PARD3B: variants seen among roughly 807,000 people sequenced by gnomAD.
PARD3B encodes the protein partitioning defective 3 homolog B.
A neutral mutation model predicts 130.2 loss-of-function variants in PARD3B; 103 were observed. The observed-to-expected ratio is 0.79, with a 90% CI of 0.67 to 0.93. PARD3B has a LOEUF of 0.93. Ranked by LOEUF, PARD3B falls within the 40% of genes least tolerant of loss-of-function variation. The pLI is 0.00. For missense variants in PARD3B, 1,609 were observed against 1,499.2 expected, an observed-to-expected ratio of 1.07 and a Z score of -1.21; for synonymous variants, 583 against 553.2, an observed-to-expected ratio of 1.05 and a Z score of -0.76.
At chr2:204,752,229 C>T (rs2040492738) in intron 2 of PARD3B, among the ~76,000 whole-genome samples, 1 of 152,094 alleles carries the variant, frequency 6.6e-6, no homozygotes, top group Non-Finnish European at 1.5e-5. Flanking sequence ...GACTGTATTG[C>T]TTACTTTCTG....
chr2:204,738,872 A>T lies in PARD3B; in HGVS notation c.222+52590A>T, dbSNP rs57973835. Among the ~76,000 whole-genome samples, 1,328 of 152,286 alleles carry T rather than the reference A, an allele frequency of 8.7e-3. 9 individuals are homozygous for T. Among genetic ancestry groups the T allele is most frequent in the African/African-American group, 0.029 (1,196 of 41,572 alleles). On this transcript the variant is annotated intron_variant, in intron 2 of 22. Transcript: ENST00000406610. ...GTTTTTAAATGGCTGATGTAATTAGATGAGACCTACTAAATAGTCTCTCTG... is the reference window on the plus strand; with the variant it reads ...GTTTTTAAATGGCTGATGTAATTAGTTGAGACCTACTAAATAGTCTCTCTG...
chr2:205,430,571 C>T (rs1025707238), intron 19 of PARD3B, among the ~76,000 whole-genome samples: 12 of 152,124 alleles, frequency 7.9e-5, no homozygotes, highest in African/African-American at 2.7e-4. Context: ...TCCATCATCA[C>T]GGAAAATCCT....
In PARD3B at chr2:205,553,324, G is replaced by C; in HGVS notation, c.3181G>C (p.Val1061Leu). Residue 1061 changes from valine (V) to leucine (L), a missense_variant and splice_region_variant, in exon 22 of 23, where the codon GTG becomes CTG. Val to Leu is a conservative substitution (Grantham distance 32, BLOSUM62 1). Coordinates refer to ENST00000406610, the MANE Select transcript of PARD3B (RefSeq NM_001302769.2). Reference protein sequence around the residue: ...ARPSEYDLLWVPGRGPDGNAH... With the variant: ...ARPSEYDLLWLPGRGPDGNAH... ...TCTCTAATTGCTTTTCTCTCCACAG[G>C]TGCCTGGAAGGGGTCCAGATGGGAA... The C allele has an allele frequency of 6.2e-7, 1 of 1,613,612 alleles. No individual in the cohort carries two copies. The highest frequency in any genetic ancestry group is 1.7e-5 in the Admixed American group (1 of 60,014).
At chr2:205,161,864 A>G (rs968323018) in intron 11 of PARD3B, among the ~76,000 whole-genome samples, 6 of 152,184 alleles carry the variant, frequency 3.9e-5, no homozygotes, top group African/African-American at 1.2e-4. Context: ...GGATTTTTTG[A>G]AAACTAAACT....
rs956985489 is a variant in PARD3B, at chr2:205,473,658, G to A, written c.3045-26238G>A. Among the ~76,000 whole-genome samples the A allele has an allele frequency of 5.2e-3, 496 of 94,898 alleles. 4 individuals carry two copies. The highest frequency in any genetic ancestry group is 0.027 in the African/African-American group (471 of 17,294). The allele number at this position is 94,898 out of a possible 152,430, so 62.3% of individuals were successfully genotyped here. The stretch of plus-strand genomic sequence containing the variant: ...TCCCAATATAAGGTTATATATATGT[G>A]TGTGTGTGTGTGTGTGTGTGTGTAT... On this transcript the variant is annotated intron_variant, in intron 20 of 22. Transcript: ENST00000406610. The surrounding 1 kb of genome is among the most constrained non-coding windows in gnomAD (Gnocchi z 4.9).
chr2:204,974,299 A>G (rs757532313), intron 3 of PARD3B, among the ~76,000 whole-genome samples: 1 of 152,112 alleles, frequency 6.6e-6, no homozygotes, highest in Non-Finnish European at 1.5e-5. Context: ...GACTATGGTT[A>G]TGTAATGTAT....
intron 2 of PARD3B, among the ~76,000 whole-genome samples, chr2:204,939,676 A>T (rs1424357861): frequency 6.6e-6 from 1 of 152,216 alleles, no homozygotes. Flanking sequence ...AAAGTATATC[A>T]AATTCAACAA....
At chr2:205,065,859 T>A (rs1700340444) in intron 4 of PARD3B, among the ~76,000 whole-genome samples, 1 of 152,160 alleles carries the variant, frequency 6.6e-6, no homozygotes, top group African/African-American at 2.4e-5. Context: ...CAGAACCACA[T>A]GCTAAATAAA....
intron 2 of PARD3B, among the ~76,000 whole-genome samples, chr2:204,812,694 A>T (rs1377871327): frequency 6.6e-6 from 1 of 152,158 alleles, no homozygotes; most frequent in Admixed American, 6.5e-5. Flanking sequence ...GTCATATACC[A>T]GTTAAACTTA....
chr2:204,713,659 G>A (rs1259546755), intron 2 of PARD3B, among the ~76,000 whole-genome samples: 2 of 152,012 alleles, frequency 1.3e-5, no homozygotes, highest in East Asian at 3.9e-4. Context: ...ATTATATGAT[G>A]TTCACCTTTG....
At chr2:205,605,302 G>C (rs1285925637) in intron 22 of PARD3B, among the ~76,000 whole-genome samples, 1 of 152,140 alleles carries the variant, frequency 6.6e-6, no homozygotes, top group Non-Finnish European at 1.5e-5. Flanking sequence ...GGCTTTTTAA[G>C]TTTTCATCGT....
Position 204,730,131 on chromosome 2 carries a change from A to G in PARD3B, c.222+43849A>G, listed in dbSNP as rs548922062. Among the ~76,000 whole-genome samples, 5 of 151,966 alleles carry G rather than the reference A, an allele frequency of 3.3e-5. No homozygotes were observed. In the East Asian group the frequency reaches 7.8e-4, roughly 24 times the overall value. On this transcript the variant is annotated intron_variant, in intron 2 of 22. Transcript: ENST00000406610. ...CTCTTGTCACCCAGGCTGGAGTGCA[A>G]TGGCACAATCTTGGCTCACTGCAAC...
intron 2 of PARD3B, among the ~76,000 whole-genome samples, chr2:204,801,612 C>T (rs1286995422): frequency 6.6e-6 from 1 of 152,144 alleles, no homozygotes; most frequent in Non-Finnish European, 1.5e-5. Context: ...GGGGCTGAGA[C>T]AATGGGGTTT....
intron 22 of PARD3B, among the ~76,000 whole-genome samples, chr2:205,610,558 A>C (rs1444851814): frequency 6.6e-6 from 1 of 152,178 alleles, no homozygotes; most frequent in Non-Finnish European, 1.5e-5. Context: ...CCAGTTAGTC[A>C]TGCTGAGCTC....
intron 13 of PARD3B, among the ~76,000 whole-genome samples, chr2:205,177,045 A>G (rs973611232): frequency 2.0e-5 from 3 of 152,122 alleles, no homozygotes; most frequent in African/African-American, 7.2e-5. Flanking sequence ...CCATCTCGTG[A>G]TGGTTGGAAT....
At chr2:204,719,887 T>C (rs1451838639) in intron 2 of PARD3B, among the ~76,000 whole-genome samples, 1 of 152,242 alleles carries the variant, frequency 6.6e-6, no homozygotes, top group Non-Finnish European at 1.5e-5. Context: ...ATTTAAATAC[T>C]ATTCTATAGT....
At chr2:205,203,884 G>C (rs2037131592) in intron 15 of PARD3B, among the ~76,000 whole-genome samples, 1 of 152,084 alleles carries the variant, frequency 6.6e-6, no homozygotes, top group Non-Finnish European at 1.5e-5. Context: ...CCAAGTCTTT[G>C]CTATTGTGAA....
intron 1 of PARD3B, among the ~76,000 whole-genome samples, chr2:204,660,403 A>G (rs1423126515): frequency 6.6e-6 from 1 of 152,226 alleles, no homozygotes; most frequent in East Asian, 1.9e-4. Flanking sequence ...CATTTAAAAC[A>G]AATGAAGTTA....
At chr2:204,740,983 T>C (rs1353754340) in intron 2 of PARD3B, among the ~76,000 whole-genome samples, 1 of 152,148 alleles carries the variant, frequency 6.6e-6, no homozygotes, top group Non-Finnish European at 1.5e-5. Context: ...TTGAGACTCT[T>C]AGATGGATGG....
Sources: allele counts gnomAD v4.1 joint callset (sites outside exome capture counted in the v4.1 genomes callset), GRCh38; gene constraint gnomAD v4.1.1; non-coding constraint Gnocchi (gnomAD v3.1); transcripts MANE v1.5; gene names NCBI Gene and HGNC (gene_info 2026-07-23, HGNC 2026-07-21).